The following CORO2A variants were observed in gnomAD, a reference collection of about 807,000 sequenced individuals.
CORO2A encodes the protein coronin-2A.
CORO2A carries 47 observed loss-of-function variants against 62.4 expected under a neutral mutation model. The ratio of observed to expected loss-of-function variants is 0.75; its 90% CI spans 0.60 to 0.96. CORO2A has a LOEUF of 0.96. Among genes scored for constraint, CORO2A ranks in the 40% least tolerant of loss-of-function variants. The pLI, the probability that CORO2A is intolerant of heterozygous loss-of-function variation, is 0.00. For missense variants in CORO2A, 610 were observed against 684.1 expected, an observed-to-expected ratio of 0.89 and a Z score of 1.21; for synonymous variants, 273 against 268.9, an observed-to-expected ratio of 1.02 and a Z score of -0.15.
intron 1 of CORO2A, among the ~76,000 whole-genome samples, chr9:98,186,229 T>C (rs1479254227): frequency 6.6e-6 from 1 of 152,102 alleles, no homozygotes; most frequent in Admixed American, 6.5e-5. Context: ...CCATCTCTTA[T>C]TGGGCCTTAC....
Position 98,128,909 on chromosome 9 carries a change from C to T in CORO2A, c.968-190G>A, listed in dbSNP as rs185991691. Among the ~76,000 whole-genome samples the T allele has an allele frequency of 3.6e-4, 55 of 152,324 alleles. 1 individual carries two copies. In the East Asian group the frequency reaches 9.7e-3, roughly 27 times the overall value. On this transcript the variant is annotated intron_variant, in intron 8 of 11. Coordinates refer to ENST00000375077, the MANE Select transcript of CORO2A (RefSeq NM_052820.4). ...GAGTTGAATTAATCAGACTCTTCACCTTCAAAGATTTAAATTATTTTAGCT... is the reference window on the plus strand; with the variant it reads ...GAGTTGAATTAATCAGACTCTTCACTTTCAAAGATTTAAATTATTTTAGCT...
intron 2 of CORO2A, among the ~76,000 whole-genome samples, chr9:98,141,837 T>C (rs1338120763): frequency 6.6e-6 from 1 of 152,188 alleles, no homozygotes; most frequent in Non-Finnish European, 1.5e-5. Context: ...TTAAATGAGA[T>C]ACTATGCATG....
intron 1 of CORO2A, among the ~76,000 whole-genome samples, chr9:98,191,270 A>G (rs1375449968): frequency 6.6e-6 from 1 of 152,050 alleles, no homozygotes; most frequent in Non-Finnish European, 1.5e-5. Context: ...CAGGAGGGGC[A>G]GGAAGCTGGG....
intron 1 of CORO2A, among the ~76,000 whole-genome samples, chr9:98,191,049 C>G (rs1828299986): frequency 6.6e-6 from 1 of 152,242 alleles, no homozygotes; most frequent in Middle Eastern, 3.2e-3. Flanking sequence ...GTCCAGGGGC[C>G]TCCTGCCCTC....
intron 1 of CORO2A, among the ~76,000 whole-genome samples, chr9:98,172,393 C>A (rs1828050014): frequency 7.9e-6 from 1 of 126,642 alleles, no homozygotes; most frequent in Admixed American, 7.8e-5. Flanking sequence ...CCCCACACCC[C>A]ACTTCTGAGC....
chr9:98,127,273 G>A (rs192607885), intron 10 of CORO2A, among the ~76,000 whole-genome samples: 1 of 152,294 alleles, frequency 6.6e-6, no homozygotes, highest in East Asian at 1.9e-4. Flanking sequence ...CCAAAACTAG[G>A]ACTCGGCCCT....
At chr9:98,140,411 C>G (rs1361187655) in intron 2 of CORO2A, among the ~76,000 whole-genome samples, 1 of 151,950 alleles carries the variant, frequency 6.6e-6, no homozygotes, top group African/African-American at 2.4e-5. Context: ...TCTTCCATCA[C>G]CTCCCCATCT....
chr9:98,135,004 C>T (rs757164347), intron 3 of CORO2A, 49 bp from the exon 4 acceptor site: 1 of 1,597,418 alleles, frequency 6.3e-7, no homozygotes, highest in Non-Finnish European at 8.5e-7. Context: ...GGCACCTTGG[C>T]ACCGTCACCA....
chr9:98,173,714 G>A lies in CORO2A; in HGVS notation c.1-16054C>T, dbSNP rs149223999. ...AGCCCAGTACACGTGCTTAAGATAC[G>A]GGCTTCAGAGTCAGAGAAACCTGGA... On this transcript the variant is annotated intron_variant, in intron 1 of 11. Coordinates refer to ENST00000375077, the MANE Select transcript of CORO2A (RefSeq NM_052820.4). Among the ~76,000 whole-genome samples the A allele has an allele frequency of 3.3e-3, 499 of 152,206 alleles. 2 individuals are homozygous for A. The highest frequency in any genetic ancestry group is 0.012 in the African/African-American group (484 of 41,532).
At chr9:98,149,661 C>A (rs1474627832) in intron 2 of CORO2A, among the ~76,000 whole-genome samples, 1 of 152,106 alleles carries the variant, frequency 6.6e-6, no homozygotes, top group Non-Finnish European at 1.5e-5. Context: ...ACAGGGAGGG[C>A]ATCAAGCCAT....
chr9:98,131,143 TG>T (rs1827402249), intron 6 of CORO2A, 84 bp from the exon 7 acceptor site: 1 of 875,046 alleles, frequency 1.1e-6, no homozygotes, highest in Non-Finnish European at 1.9e-6. Context: ...ATTGCTGCCA[TG>T]GTGCTCTGGG....
At chr9:98,135,969 C>T (rs1448027592) in intron 3 of CORO2A, among the ~76,000 whole-genome samples, 1 of 152,144 alleles carries the variant, frequency 6.6e-6, no homozygotes, top group African/African-American at 2.4e-5. Context: ...AGAGAAGACT[C>T]CCCACTGCTA....
chr9:98,121,854 C>T lies in CORO2A; in HGVS notation c.*2920G>A, dbSNP rs1827248968. 1 of 152,288 alleles carries T rather than the reference C, an allele frequency of 6.6e-6. No individual in the cohort carries two copies. Among genetic ancestry groups the T allele is most frequent in the South Asian group, 2.1e-4 (1 of 4,832 alleles). The allele number at this position is 152,288 out of a possible 1,614,324, so 9.4% of individuals were successfully genotyped here. A position where few individuals can be genotyped will look rare whatever the true frequency, so the allele number is the denominator to read the frequency against. ...ACACAGGTGGGAAAGGTAAGCCTAT[C>T]CTGTAGAGCTCTGCTGCCCTGACAA... On this transcript the variant is annotated 3_prime_UTR_variant, in exon 12 of 12. Coordinates refer to ENST00000375077, the MANE Select transcript of CORO2A (RefSeq NM_052820.4).
At chr9:98,125,066 G>C (rs1827298664) in intron 11 of CORO2A, among the ~76,000 whole-genome samples, 161 bp from the exon 12 acceptor site, 1 of 152,144 alleles carries the variant, frequency 6.6e-6, no homozygotes, top group Admixed American at 6.5e-5. Context: ...CAAACACCTT[G>C]TTTACTTCAC....
rs570334090 is a variant in CORO2A, at chr9:98,169,302, C to T, written c.1-11642G>A. On this transcript the variant is annotated intron_variant, in intron 1 of 11. Coordinates refer to ENST00000375077, the MANE Select transcript of CORO2A (RefSeq NM_052820.4). ...CAGAGAGCAAACCAAGACAAGGCCT[C>T]TTTCTTCCTGATGAGATTAGGCCTG... Among the ~76,000 whole-genome samples, 25 of 152,318 alleles carry T rather than the reference C, an allele frequency of 1.6e-4. 1 individual carries two copies. The highest frequency in any genetic ancestry group is 4.6e-4 in the Admixed American group (7 of 15,308).
At chr9:98,191,040 T>C (rs1296240416) in intron 1 of CORO2A, among the ~76,000 whole-genome samples, 2 of 152,204 alleles carry the variant, frequency 1.3e-5, no homozygotes, top group African/African-American at 2.4e-5. Flanking sequence ...TCACTACCTG[T>C]CCAGGGGCCT....
At chr9:98,141,503 C>T (rs1469270588) in intron 2 of CORO2A, among the ~76,000 whole-genome samples, 2 of 152,156 alleles carry the variant, frequency 1.3e-5, no homozygotes, top group Non-Finnish European at 2.9e-5. Context: ...CAGGTGCGTG[C>T]CACCACACCC....
At position 98,143,008 on chromosome 9, in the gene CORO2A, T is replaced by C. The variant is rs537943291; in HGVS notation, c.202-5320A>G. Among the ~76,000 whole-genome samples, 11 of 152,324 alleles carry C rather than the reference T, an allele frequency of 7.2e-5. 1 individual carries two copies. Among genetic ancestry groups the C allele is most frequent in the Admixed American group, 5.9e-4 (9 of 15,304 alleles). On this transcript the variant is annotated intron_variant, in intron 2 of 11. Coordinates refer to ENST00000375077, the MANE Select transcript of CORO2A (RefSeq NM_052820.4). ...GCTAAAAGCCTGTCAGGGACATTTATCATCAGGAGGCCATTTCCACCTTCT... is the reference window on the plus strand; with the variant it reads ...GCTAAAAGCCTGTCAGGGACATTTACCATCAGGAGGCCATTTCCACCTTCT...
intron 1 of CORO2A, among the ~76,000 whole-genome samples, chr9:98,169,205 C>G (rs989908438): frequency 1.3e-5 from 2 of 151,896 alleles, no homozygotes; most frequent in African/African-American, 4.9e-5. Context: ...GCCTTCCCCG[C>G]CCCCGCGCCG....
Sources: gnomAD v4.1 joint callset for allele counts (sites outside exome capture counted in the v4.1 genomes callset) on GRCh38, gnomAD v4.1.1 for gene constraint, MANE v1.5 for transcripts, NCBI Gene and HGNC (gene_info 2026-07-23, HGNC 2026-07-21) for gene names.